Variants in OOEP observed in about 807,000 individuals in gnomAD.
OOEP encodes the protein oocyte expressed protein.
In OOEP, 16 loss-of-function variants were observed where a neutral mutation model predicts 13.7. That is an observed-to-expected ratio of 1.16 (90% confidence interval 0.79 to 1.77). The LOEUF is 1.77. Among genes scored for constraint, OOEP ranks in the 40% most tolerant of loss-of-function variants. The pLI is 0.00. For synonymous variants in OOEP, 89 were observed against 77.1 expected (o/e 1.15, Z -0.81); for missense variants, 195 against 193.1 (o/e 1.01, Z -0.06).
At chr6:73,369,173 T>C in intron 2 of OOEP, 33 bp downstream of exon 2, 1 of 1,588,418 alleles carries the variant, frequency 6.3e-7, no homozygotes, top group African/African-American at 1.3e-5. Context: ...CACTCGTGGC[T>C]TCCTCCACAT....
At chr6:73,394,905 A>G (rs1769429679) in exon 1 of OOEP, 1 of 1,613,906 alleles carries the variant, frequency 6.2e-7, no homozygotes, top group African/African-American at 1.3e-5. Context: ...TTCTTGGAAC[A>G]ATGTCCCACC....
upstream of OOEP, among the ~76,000 whole-genome samples, chr6:73,372,596 T>C: frequency 6.6e-6 from 1 of 152,164 alleles, no homozygotes; most frequent in East Asian, 1.9e-4. Context: ...GGAGGGCTAT[T>C]GTGCAAGAAA....
chr6:73,373,718 T>C (rs1343227240), upstream of OOEP, among the ~76,000 whole-genome samples: 1 of 151,968 alleles, frequency 6.6e-6, no homozygotes, highest in Non-Finnish European at 1.5e-5. Flanking sequence ...GCCTCCCAAG[T>C]AGCTGGGATT....
chr6:73,389,988 C>G (rs1343479651), intron 2 of OOEP, among the ~76,000 whole-genome samples: 1 of 152,116 alleles, frequency 6.6e-6, no homozygotes, highest in East Asian at 1.9e-4. Context: ...TAGAGACCAG[C>G]CTGGTTGGCA....
At chr6:73,385,299 T>C (rs1582629078) in intron 2 of OOEP, among the ~76,000 whole-genome samples, 3 of 151,518 alleles carry the variant, frequency 2.0e-5, no homozygotes, top group South Asian at 2.1e-4. Flanking sequence ...TGAGCCAAGA[T>C]TGCGCCACTG....
At chr6:73,374,029 AAAAAT>A (rs879910908), upstream of OOEP, among the ~76,000 whole-genome samples, 1 of 152,034 alleles carries the variant, frequency 6.6e-6, no homozygotes, top group African/African-American at 2.4e-5. Context: ...TGTCTCTACA[AAAAAT>A]AAAATAATTA....
chr6:73,384,298 GACA>G (rs34657041), intron 2 of OOEP, among the ~76,000 whole-genome samples: 72,536 of 151,642 alleles, frequency 0.48, 18,038 homozygotes, highest in South Asian at 0.6. Context: ...AATTAGTAAT[GACA>G]ACATTTCCGA....
intron 1 of OOEP, 67 bp from the exon 2 acceptor site, chr6:73,369,452 A>G (rs1455909093): frequency 1.3e-6 from 2 of 1,544,664 alleles, no homozygotes; most frequent in African/African-American, 2.7e-5. Flanking sequence ...TTTGAAGGGA[A>G]TGTTGGCCAG....
At position 73,369,642 on chromosome 6, in the gene OOEP, C is replaced by A; in HGVS notation, c.151G>T (p.Val51Leu). Residue 51 changes from valine (V) to leucine (L), a missense_variant, in exon 1 of 3, where the codon GTG becomes TTG. By Grantham distance (32) the Val-to-Leu change is conservative. Transcript: ENST00000370359. ...FPVQELRDPL[V>L]FYLEAWLADE... is the part of the protein sequence containing the mutation. ...GCCAGCCATGCCTCTAGGTAGAACA[C>A]CAAAGGGTCTCTCAGTTCCTGCACC... is the stretch of plus-strand genomic sequence containing the variant. 1 of 1,614,058 alleles carries A rather than the reference C, an allele frequency of 6.2e-7. No homozygotes were observed. The highest frequency in any genetic ancestry group is 8.5e-7 in the Non-Finnish European group (1 of 1,179,898).
chr6:73,380,099 T>G (rs977907964), intron 2 of OOEP, among the ~76,000 whole-genome samples: 1 of 152,226 alleles, frequency 6.6e-6, no homozygotes, highest in African/African-American at 2.4e-5. Flanking sequence ...ATTGGTTTAT[T>G]GAAATATTTA....
At chr6:73,393,440 A>G (rs1208115036) in intron 2 of OOEP, among the ~76,000 whole-genome samples, 1 of 152,216 alleles carries the variant, frequency 6.6e-6, no homozygotes, top group East Asian at 1.9e-4. Flanking sequence ...AAAGGAGTGC[A>G]CTTGCAGCTG....
upstream of OOEP, chr6:73,369,971 T>G (rs1238036754): frequency 6.6e-6 from 4 of 601,960 alleles, no homozygotes; most frequent in Non-Finnish European, 8.9e-6. Context: ...GCGGCACCAT[T>G]GGACACTTCC....
At chr6:73,395,099 A>T (rs1476099216), upstream of OOEP, 1 of 1,614,034 alleles carries the variant, frequency 6.2e-7, no homozygotes, top group Admixed American at 1.7e-5. Flanking sequence ...GCCGCTGGTC[A>T]CGAGGAACTG....
intron 2 of OOEP, among the ~76,000 whole-genome samples, chr6:73,375,575 A>G (rs1333508735): frequency 2.1e-5 from 3 of 145,982 alleles, no homozygotes; most frequent in African/African-American, 7.4e-5. Flanking sequence ...TTCCTTATAT[A>G]TAAAACATAT....
At chr6:73,373,600 A>T (rs1769094141), upstream of OOEP, among the ~76,000 whole-genome samples, 1 of 152,012 alleles carries the variant, frequency 6.6e-6, no homozygotes, top group Non-Finnish European at 1.5e-5. Flanking sequence ...TTATTTATTT[A>T]TTTATTTAGA....
chr6:73,368,593 T>C lies in OOEP; in HGVS notation c.*191A>G. The C allele has an allele frequency of 1.8e-6, 1 of 547,808 alleles. No individual in the cohort carries two copies. Among genetic ancestry groups the C allele is most frequent in the Admixed American group, 3.1e-5 (1 of 32,374 alleles). 33.9% of individuals were successfully genotyped at this position (547,808 alleles called of 1,614,324 possible). A position where few individuals can be genotyped will look rare whatever the true frequency, so the allele number is the denominator to read the frequency against. ...CTTTATTATAAGTGTGTGAAGATCT[T>C]AATGCTTTTGGCAAAATAGCCATTT... On this transcript the variant is annotated 3_prime_UTR_variant, in exon 3 of 3. Transcript: ENST00000370359.
At chr6:73,369,159 T>C (rs992974635) in intron 2 of OOEP, 47 bp downstream of exon 2, 2 of 1,554,292 alleles carry the variant, frequency 1.3e-6, no homozygotes, top group Non-Finnish European at 1.7e-6. Flanking sequence ...AAGGCCAGTA[T>C]GGTCACTCGT....
At chr6:73,377,808 C>T (rs1005864311) in intron 2 of OOEP, among the ~76,000 whole-genome samples, 2 of 152,174 alleles carry the variant, frequency 1.3e-5, no homozygotes, top group African/African-American at 4.8e-5. Context: ...GCTGGAACTA[C>T]AGGTGAGTGC....
At chr6:73,371,596 A>G (rs1769056862), upstream of OOEP, among the ~76,000 whole-genome samples, 1 of 152,006 alleles carries the variant, frequency 6.6e-6, no homozygotes, top group Admixed American at 6.6e-5. Context: ...TAAAAATACA[A>G]AAGATTAGCC....
Sources: gnomAD v4.1 joint callset for allele counts (sites outside exome capture counted in the v4.1 genomes callset) on GRCh38, gnomAD v4.1.1 for gene constraint, MANE v1.5 for transcripts, NCBI Gene and HGNC (gene_info 2026-07-23, HGNC 2026-07-21) for gene names.